ACER3: variants seen among roughly 807,000 people sequenced by gnomAD.
The protein encoded by ACER3 is alkaline ceramidase 3.
ACER3 carries 16 observed loss-of-function variants against 48.9 expected under a neutral mutation model. That is an observed-to-expected ratio of 0.33 (90% CI 0.22 to 0.50). The LOEUF (loss-of-function observed/expected upper bound fraction) is 0.50. Ranked by LOEUF, ACER3 falls within the 20% of genes least tolerant of loss-of-function variation. The pLI is 0.98. For synonymous variants in ACER3, 109 were observed against 107.8 expected, an observed-to-expected ratio of 1.01 and a Z score of -0.07; for missense variants, 227 against 326.0, an observed-to-expected ratio of 0.70 and a Z score of 2.34.
intron 1 of ACER3, among the ~76,000 whole-genome samples, chr11:76,874,955 A>G (rs1945331967): frequency 6.6e-6 from 1 of 151,940 alleles, no homozygotes; most frequent in Non-Finnish European, 1.5e-5. Context: ...GTCGTTTGTC[A>G]TTTGTAACTG....
chr11:77,004,683 ATCT>A (rs530900102), intron 7 of ACER3, among the ~76,000 whole-genome samples: 137 of 152,312 alleles, frequency 9.0e-4, no homozygotes, highest in African/African-American at 3.1e-3. Context: ...GACTCTGATA[ATCT>A]TCTTTGCTCT....
chr11:76,903,821 ATCT>A (rs1456129458), intron 1 of ACER3, among the ~76,000 whole-genome samples: 1 of 152,108 alleles, frequency 6.6e-6, no homozygotes, highest in Non-Finnish European at 1.5e-5. Context: ...CATATAGAGG[ATCT>A]TCTTCCCTTT....
chr11:76,895,771 C>T (rs1009090500), intron 1 of ACER3, among the ~76,000 whole-genome samples: 25 of 151,960 alleles, frequency 1.6e-4, no homozygotes, highest in Middle Eastern at 3.2e-3. Flanking sequence ...TTAATATTCA[C>T]GAAAGATTTT....
At chr11:76,920,719 C>T (rs1409961870) in intron 1 of ACER3, among the ~76,000 whole-genome samples, 1 of 151,642 alleles carries the variant, frequency 6.6e-6, no homozygotes, top group African/African-American at 2.4e-5. Context: ...TCACTGCAGC[C>T]TCAGCCTCCC....
intron 2 of ACER3, among the ~76,000 whole-genome samples, chr11:76,937,057 A>C (rs1947207550): frequency 6.6e-6 from 1 of 152,218 alleles, no homozygotes; most frequent in African/African-American, 2.4e-5. Context: ...TGAAAAATTC[A>C]ATAGGAAAAC....
At chr11:76,999,379 GTTTT>G (rs11407818) in intron 7 of ACER3, among the ~76,000 whole-genome samples, 1 of 148,710 alleles carries the variant, frequency 6.7e-6, no homozygotes, top group African/African-American at 2.5e-5. Context: ...TTGTGGGTTT[GTTTT>G]TTTTTTCTTT....
At chr11:76,885,960 A>G (rs904673562) in intron 1 of ACER3, among the ~76,000 whole-genome samples, 12 of 152,228 alleles carry the variant, frequency 7.9e-5, no homozygotes, top group African/African-American at 2.7e-4. Context: ...AGGAAAGCAG[A>G]TAAGAAAGCC....
chr11:76,945,854 G>A (rs1947458826), intron 2 of ACER3, among the ~76,000 whole-genome samples: 1 of 152,190 alleles, frequency 6.6e-6, no homozygotes, highest in African/African-American at 2.4e-5. Context: ...AGCTGTGATG[G>A]GTTGGGCAGG....
chr11:76,995,092 T>C (rs1948885708), intron 6 of ACER3, among the ~76,000 whole-genome samples: 1 of 152,142 alleles, frequency 6.6e-6, no homozygotes. Flanking sequence ...ACTATAGATA[T>C]AATAAGTAAA....
At chr11:76,943,681 A>G (rs947565718) in intron 2 of ACER3, among the ~76,000 whole-genome samples, 3 of 151,866 alleles carry the variant, frequency 2.0e-5, no homozygotes, top group African/African-American at 7.2e-5. Flanking sequence ...CATTTGGTCT[A>G]AAGTCCAATG....
rs117584264 is a variant in ACER3, at chr11:76,941,153, G to A, written c.214+14486G>A. ...AAATCAAGGATATTTGCTGAATACC[G>A]TAACAAGATTTTCAGTTTTTTATTT... On this transcript the variant is annotated intron_variant, in intron 2 of 10. Transcript: ENST00000532485. 2.4e-3 allele frequency among the ~76,000 whole-genome samples: 372 copies of A among 152,076 alleles called. 1 individual carries two copies. Among genetic ancestry groups the A allele is most frequent in the Admixed American group, 3.8e-3 (58 of 15,282 alleles).
At chr11:76,861,118 C>T in intron 1 of ACER3, 39 bp downstream of exon 1, 1 of 1,518,246 alleles carries the variant, frequency 6.6e-7, no homozygotes, top group Non-Finnish European at 8.9e-7. Flanking sequence ...GGCGAGAGGG[C>T]ACCGGGCTGA....
chr11:76,979,675 C>G (rs191613082), intron 4 of ACER3, among the ~76,000 whole-genome samples: 2 of 151,666 alleles, frequency 1.3e-5, no homozygotes, highest in Non-Finnish European at 2.9e-5. Context: ...AGATATAGAA[C>G]GGGGATCAGA....
chr11:76,958,636 C>T (rs1947908004), intron 2 of ACER3, among the ~76,000 whole-genome samples: 2 of 152,220 alleles, frequency 1.3e-5, no homozygotes, highest in South Asian at 2.1e-4. Flanking sequence ...AAGCATACAC[C>T]TTAGCCATTT....
intron 2 of ACER3, among the ~76,000 whole-genome samples, chr11:76,943,302 A>T (rs530634961): frequency 3.9e-5 from 6 of 152,038 alleles, no homozygotes; most frequent in African/African-American, 1.4e-4. Flanking sequence ...ATTTAATGCT[A>T]TCAACTTCCC....
chr11:76,902,004 C>T (rs754715314), intron 1 of ACER3, among the ~76,000 whole-genome samples: 1 of 151,998 alleles, frequency 6.6e-6, no homozygotes, highest in African/African-American at 2.4e-5. Context: ...GCCTTAAATC[C>T]TGGTGCTTGC....
chr11:76,936,188 A>T (rs1208956808), intron 2 of ACER3, among the ~76,000 whole-genome samples: 2 of 152,208 alleles, frequency 1.3e-5, no homozygotes, highest in Non-Finnish European at 2.9e-5. Context: ...CAAAGAGTAG[A>T]TTCGAATTAG....
Position 76,926,604 on chromosome 11 carries a change from G to A in ACER3, c.151G>A (p.Ala51Thr). 1.2e-6 allele frequency: 2 copies of A among 1,609,608 alleles called. No homozygotes were observed. Among genetic ancestry groups the A allele is most frequent in the Non-Finnish European group, 1.7e-6 (2 of 1,176,224 alleles). ...LIMIIPPMFG[A>T]VQSVRDGLEK... ...CATGATTATACCTCCAATGTTCGGT[G>A]CAGTTCAGAGTGTTAGAGACGGTCT... The change falls in exon 2 of 11, where the codon GCA (alanine) becomes ACA (threonine). Residue 51 changes from alanine to threonine, a missense_variant. Around this residue, in one of 3 missense-constraint regions of ACER3, gnomAD observed 195 missense variants for 290.8 expected, o/e 0.67. Transcript: ENST00000532485.
At chr11:76,914,294 A>G (rs1381321733) in intron 1 of ACER3, among the ~76,000 whole-genome samples, 1 of 152,198 alleles carries the variant, frequency 6.6e-6, no homozygotes, top group Non-Finnish European at 1.5e-5. Flanking sequence ...TTTGCAGTCT[A>G]CTCATCTGAT....
Sources: allele counts gnomAD v4.1 joint callset (sites outside exome capture counted in the v4.1 genomes callset), GRCh38; gene constraint gnomAD v4.1.1; regional missense constraint gnomAD v4.1.1; transcripts MANE v1.5; gene names NCBI Gene and HGNC (gene_info 2026-07-23, HGNC 2026-07-21).